R3HDM2: variants seen among roughly 807,000 people sequenced by gnomAD.
The protein encoded by R3HDM2 is R3H domain containing 2.
In R3HDM2, 38 loss-of-function variants were observed where a neutral mutation model predicts 124.5. The observed-to-expected ratio is 0.31, with a 90% CI of 0.24 to 0.40. The LOEUF (loss-of-function observed/expected upper bound fraction) is 0.40. Among genes scored for constraint, R3HDM2 ranks in the 10% least tolerant of loss-of-function variants. The probability of loss-of-function intolerance (pLI) is 1.00; values close to 1 mark genes in which losing one functional copy is unlikely to be tolerated. For missense variants in R3HDM2, 869 were observed against 1,236.9 expected (o/e 0.70, Z 4.46); for synonymous variants, 391 against 448.0 (o/e 0.87, Z 1.61).
At position 57,254,811 on chromosome 12, in the gene R3HDM2, A is replaced by G. The variant is rs758005147; in HGVS notation, c.2935T>C (p.Tyr979His). 16 of 1,602,586 alleles carry G rather than the reference A, an allele frequency of 1.0e-5. No individual in the cohort carries two copies. Among genetic ancestry groups the G allele is most frequent in the Non-Finnish European group, 1.4e-5 (16 of 1,172,208 alleles). The change falls in exon 24 of 24, where the codon TAT (tyrosine) becomes CAT (histidine). Residue 979 changes from tyrosine (Y) to histidine (H), a missense_variant. Physicochemically the swap from Tyr to His is moderately conservative, Grantham distance 83. Around this residue, in one of 2 missense-constraint regions of R3HDM2, gnomAD observed 602 missense variants for 789.2 expected, o/e 0.76. Coordinates refer to ENST00000402412, the MANE Select transcript of R3HDM2 (RefSeq NM_001394031.1). ...RFKLRMAKKN[Y>H]DLRILERASS... ...GCTCGCTCCAGGATCCTCAGGTCAT[A>G]GTTCTTTTTGGCCATTCGAAGTTTG... is the stretch of plus-strand genomic sequence containing the variant.
intron 2 of R3HDM2, among the ~76,000 whole-genome samples, chr12:57,354,108 G>C (rs982132055): frequency 1.3e-5 from 2 of 151,802 alleles, no homozygotes; most frequent in African/African-American, 4.8e-5. Context: ...GACCTCAGGT[G>C]TCTGCCCACC....
At chr12:57,311,715 A>C (rs770043360) in intron 2 of R3HDM2, among the ~76,000 whole-genome samples, 4 of 152,144 alleles carry the variant, frequency 2.6e-5, no homozygotes, top group Non-Finnish European at 1.5e-5. Flanking sequence ...AAAAACAAGA[A>C]GAGAACTTTG....
At chr12:57,317,800 C>A (rs911913096) in intron 2 of R3HDM2, among the ~76,000 whole-genome samples, 3 of 151,198 alleles carry the variant, frequency 2.0e-5, no homozygotes, top group Non-Finnish European at 2.9e-5. Flanking sequence ...CATAGTGAAA[C>A]CCCGTCTCTA....
At chr12:57,380,951 C>G (rs566753747) in intron 2 of R3HDM2, among the ~76,000 whole-genome samples, 1 of 152,236 alleles carries the variant, frequency 6.6e-6, no homozygotes, top group Admixed American at 6.5e-5. Flanking sequence ...ATGGGCAGGC[C>G]GGGCACGGTG....
intron 8 of R3HDM2, 73 bp downstream of exon 8, chr12:57,297,255 C>A: frequency 2.4e-6 from 2 of 834,072 alleles, no homozygotes; most frequent in South Asian, 1.6e-5. Context: ...GGAACATCTC[C>A]TAAAATTGTA....
At chr12:57,312,170 T>C (rs1012089076) in intron 2 of R3HDM2, among the ~76,000 whole-genome samples, 7 of 152,220 alleles carry the variant, frequency 4.6e-5, no homozygotes, top group Non-Finnish European at 8.8e-5. Context: ...TTCAAGAAAA[T>C]TGTCACAACA....
At chr12:57,410,684 C>T (rs1381246606) in intron 1 of R3HDM2, among the ~76,000 whole-genome samples, 1 of 152,120 alleles carries the variant, frequency 6.6e-6, no homozygotes, top group Non-Finnish European at 1.5e-5. Context: ...AAGACCCTGT[C>T]TCTGCAGAAA....
At chr12:57,429,785 T>C (rs1244728306) in intron 1 of R3HDM2, among the ~76,000 whole-genome samples, 1 of 150,910 alleles carries the variant, frequency 6.6e-6, no homozygotes, top group Non-Finnish European at 1.5e-5. Context: ...GGGGGAATAT[T>C]GGTGGAACAA....
chr12:57,266,741 C>T lies in R3HDM2; in HGVS notation c.2121G>A (p.Gln707=), dbSNP rs1235430930. Residue 707 remains glutamine (Q), a synonymous_variant, in exon 19 of 24, where the codon CAG becomes CAA. Transcript: ENST00000402412. ...PSPCSPPQMP[Q]QYSGVSPSGP... Reference sequence around the variant, plus strand: ...TCCTTATCCTCTTACCTGAGTACTGCTGTGGCATCTGTGGTGGACTGCAGG... The same window carrying T: ...TCCTTATCCTCTTACCTGAGTACTGTTGTGGCATCTGTGGTGGACTGCAGG... 1.3e-6 allele frequency: 2 copies of T among 1,587,814 alleles called. No individual in the cohort carries two copies. The highest frequency in any genetic ancestry group is 3.3e-5 in the Admixed American group (2 of 59,912).
In R3HDM2 at chr12:57,276,891, GA is replaced by G. The variant is rs113739988; in HGVS notation, c.1344+3466del. Among the ~76,000 whole-genome samples the G allele has an allele frequency of 5.4e-4, 75 of 139,446 alleles. 1 individual carries two copies. Among genetic ancestry groups the G allele is most frequent in the Non-Finnish European group, 3.3e-4 (21 of 63,624 alleles). The allele number at this position is 139,446 out of a possible 152,430, so 91.5% of individuals were successfully genotyped here. On this transcript the variant is annotated intron_variant, in intron 14 of 23. Transcript: ENST00000402412. Reference sequence around the variant, plus strand: ...GACAGAGCGAGACTCCATCTCAAAAGAAAAAAAAAAAGAATGATAAAATGGA... The same window carrying G: ...GACAGAGCGAGACTCCATCTCAAAAGAAAAAAAAAAGAATGATAAAATGGA...
intron 1 of R3HDM2, among the ~76,000 whole-genome samples, chr12:57,412,226 G>C (rs2069068832): frequency 6.6e-6 from 1 of 152,130 alleles, no homozygotes; most frequent in Non-Finnish European, 1.5e-5. Flanking sequence ...ATATGCAGAT[G>C]AATGCAAGAA....
chr12:57,320,910 T>C (rs532623949), intron 2 of R3HDM2, among the ~76,000 whole-genome samples: 10 of 152,152 alleles, frequency 6.6e-5, no homozygotes, highest in Non-Finnish European at 1.5e-4. Flanking sequence ...AAGACAACGA[T>C]ATCTAGGTGC....
intron 10 of R3HDM2, among the ~76,000 whole-genome samples, 154 bp downstream of exon 10, chr12:57,295,245 C>T (rs894705331): frequency 6.6e-6 from 1 of 152,166 alleles, no homozygotes; most frequent in Non-Finnish European, 1.5e-5. Context: ...ATAAACAGTT[C>T]TCAACATTAA....
At chr12:57,274,218 C>T (rs2044194106) in intron 14 of R3HDM2, among the ~76,000 whole-genome samples, 1 of 152,146 alleles carries the variant, frequency 6.6e-6, no homozygotes, top group African/African-American at 2.4e-5. Flanking sequence ...TGCAGTGGCT[C>T]ACACCTGTAA....
At chr12:57,320,176 G>A (rs1288140019) in intron 2 of R3HDM2, among the ~76,000 whole-genome samples, 4 of 148,070 alleles carry the variant, frequency 2.7e-5, no homozygotes, top group Admixed American at 2.1e-4. Context: ...CAGGAGAATC[G>A]CTTGAACCCG....
At chr12:57,378,396 T>C (rs1364052595) in intron 2 of R3HDM2, among the ~76,000 whole-genome samples, 1 of 152,134 alleles carries the variant, frequency 6.6e-6, no homozygotes, top group Non-Finnish European at 1.5e-5. Context: ...TTTCTTTTTT[T>C]TGAAACAGGG....
intron 2 of R3HDM2, among the ~76,000 whole-genome samples, chr12:57,381,544 CAAAAA>C (rs66778122): frequency 1.3e-5 from 1 of 76,604 alleles, no homozygotes. Context: ...GACTCCATCT[CAAAAA>C]AAAAAAAAAA....
chr12:57,292,705 C>T (rs904285743), intron 10 of R3HDM2, 38 bp from the exon 11 acceptor site: 1 of 1,376,278 alleles, frequency 7.3e-7, no homozygotes, highest in Non-Finnish European at 1.0e-6. Flanking sequence ...TTAAGTTCTC[C>T]TCGTACTGCA....
rs77290118 is a variant in R3HDM2, at chr12:57,334,714, A to G, written c.-35-24251T>C. The stretch of plus-strand genomic sequence containing the variant: ...TTCAAGAATCTTTAAACTGCTGGAA[A>G]ACCAACACCAGGATATATTGAGGAA... On this transcript the variant is annotated intron_variant, in intron 2 of 23. Transcript: ENST00000402412. Among the ~76,000 whole-genome samples the G allele has an allele frequency of 2.1e-3, 315 of 152,266 alleles. 1 individual carries two copies. Among genetic ancestry groups the G allele is most frequent in the African/African-American group, 7.3e-3 (304 of 41,552 alleles).
Sources: allele counts gnomAD v4.1 joint callset (sites outside exome capture counted in the v4.1 genomes callset), GRCh38; gene constraint gnomAD v4.1.1; regional missense constraint gnomAD v4.1.1; transcripts MANE v1.5; gene names NCBI Gene and HGNC (gene_info 2026-07-23, HGNC 2026-07-21).